LRRC7: variants seen among roughly 807,000 people sequenced by gnomAD.
LRRC7 encodes the protein leucine rich repeat containing 7.
Under a neutral mutation model 175.7 loss-of-function variants are expected in LRRC7, and 23 were observed. The ratio of observed to expected loss-of-function variants is 0.13; its 90% CI spans 0.09 to 0.19. The LOEUF is 0.19. Ranked by LOEUF, LRRC7 falls within the 10% of genes least tolerant of loss-of-function variation. The pLI, the probability that LRRC7 is intolerant of heterozygous loss-of-function variation, is 1.00. For missense variants in LRRC7, 1,354 were observed against 1,904.7 expected (o/e 0.71, Z 5.38); for synonymous variants, 685 against 680.9 (o/e 1.01, Z -0.09).
intron 25 of LRRC7, among the ~76,000 whole-genome samples, chr1:70,104,174 A>G (rs1448324391): frequency 6.6e-6 from 1 of 152,244 alleles, no homozygotes; most frequent in African/African-American, 2.4e-5. Flanking sequence ...TTTTTAGAAT[A>G]CAAACAGACT....
chr1:69,763,110 T>C (rs377112295), intron 3 of LRRC7, among the ~76,000 whole-genome samples: 1 of 152,078 alleles, frequency 6.6e-6, no homozygotes, highest in African/African-American at 2.4e-5. Context: ...AAAGGAATAA[T>C]GCATCAGAGT....
intron 1 of LRRC7, among the ~76,000 whole-genome samples, chr1:69,609,738 T>A (rs1557479873): frequency 6.6e-6 from 1 of 152,106 alleles, no homozygotes; most frequent in Non-Finnish European, 1.5e-5. Context: ...AATATATATC[T>A]ACTTTATCTG....
intron 4 of LRRC7, among the ~76,000 whole-genome samples, chr1:69,822,756 G>C (rs79047226): frequency 6.6e-6 from 1 of 152,162 alleles, no homozygotes; most frequent in African/African-American, 2.4e-5. Context: ...ACTATTCTCC[G>C]TACTATCTTC....
intron 2 of LRRC7, among the ~76,000 whole-genome samples, chr1:69,717,727 G>C (rs2100756984): frequency 7.0e-6 from 1 of 143,758 alleles, no homozygotes; most frequent in East Asian, 2.1e-4. Flanking sequence ...AGGAACTCTA[G>C]AAGGCCATAA....
chr1:69,698,635 A>G (rs1354011881), intron 2 of LRRC7, among the ~76,000 whole-genome samples: 1 of 152,224 alleles, frequency 6.6e-6, no homozygotes, highest in Non-Finnish European at 1.5e-5. Context: ...TATTCTAGAC[A>G]TCCCAGTATG....
chr1:70,036,793 T>C (rs1659360694), intron 20 of LRRC7, among the ~76,000 whole-genome samples, 169 bp downstream of exon 20: 1 of 152,016 alleles, frequency 6.6e-6, no homozygotes, highest in South Asian at 2.1e-4. Context: ...AACAGATGAA[T>C]CCACCTTACA....
chr1:70,115,220 T>C (rs577079187), intron 26 of LRRC7, among the ~76,000 whole-genome samples: 5 of 152,316 alleles, frequency 3.3e-5, no homozygotes, highest in African/African-American at 1.2e-4. Flanking sequence ...ACTACAAAGA[T>C]CAATAGCAAG....
At position 69,781,878 on chromosome 1, in the gene LRRC7, A is replaced by AGAC. The variant is rs1673753029; in HGVS notation, c.304-10165_304-10164insGAC. Among the ~76,000 whole-genome samples the AGAC allele has an allele frequency of 1.4e-5, 2 of 145,018 alleles. 1 individual carries two copies. Among genetic ancestry groups the AGAC allele is most frequent in the Non-Finnish European group, 3.1e-5 (2 of 65,330 alleles). ...AAGAAAGAGAAGGAAGGAAGGAAGA[A>AGAC]AGAAAAGGAAGGAAGGAAGGGAAAG... On this transcript the variant is annotated intron_variant, in intron 3 of 26. Coordinates refer to ENST00000651989, the MANE Select transcript of LRRC7 (RefSeq NM_001370785.2).
intron 26 of LRRC7, among the ~76,000 whole-genome samples, chr1:70,120,359 A>T (rs916541892): frequency 2.0e-5 from 3 of 152,056 alleles, no homozygotes; most frequent in African/African-American, 7.2e-5. Context: ...TGAATTTCCA[A>T]GAATTTATAT....
intron 7 of LRRC7, among the ~76,000 whole-genome samples, chr1:69,888,366 G>A (rs1485785875): frequency 6.6e-6 from 1 of 152,152 alleles, no homozygotes; most frequent in Non-Finnish European, 1.5e-5. Context: ...ATTCGGGTGG[G>A]AGTGACCCGA....
intron 9 of LRRC7, among the ~76,000 whole-genome samples, chr1:69,980,974 A>T (rs952160543): frequency 6.6e-6 from 1 of 152,128 alleles, no homozygotes; most frequent in Non-Finnish European, 1.5e-5. Context: ...CCAGAGTCAA[A>T]TTTTTTCCTC....
chr1:69,858,411 A>G (rs965034312), intron 7 of LRRC7, among the ~76,000 whole-genome samples: 2 of 152,202 alleles, frequency 1.3e-5, no homozygotes, highest in Admixed American at 1.3e-4. Flanking sequence ...AAAGAAATTT[A>G]CAACCTGCAC....
intron 1 of LRRC7, among the ~76,000 whole-genome samples, chr1:69,634,339 T>C (rs758401623): frequency 6.6e-6 from 1 of 152,142 alleles, no homozygotes; most frequent in South Asian, 2.1e-4. Context: ...TCTAATTTTA[T>C]GTTGATTTTG....
At chr1:70,119,978 G>A (rs1251538723) in intron 26 of LRRC7, among the ~76,000 whole-genome samples, 1 of 151,988 alleles carries the variant, frequency 6.6e-6, no homozygotes, top group Admixed American at 6.6e-5. Flanking sequence ...CAAATTGAAG[G>A]CATTAAGGTA....
At chr1:69,966,432 GT>G (rs1651671595) in intron 8 of LRRC7, among the ~76,000 whole-genome samples, 1 of 152,132 alleles carries the variant, frequency 6.6e-6, no homozygotes, top group Admixed American at 6.6e-5. Flanking sequence ...GGCAGATTAT[GT>G]TTTTCATTAG....
chr1:69,710,779 A>G lies in LRRC7; in HGVS notation c.100+32301A>G, dbSNP rs1052350569. On this transcript the variant is annotated intron_variant, in intron 2 of 26. Coordinates refer to ENST00000651989, the MANE Select transcript of LRRC7 (RefSeq NM_001370785.2). Reference sequence around the variant, plus strand: ...TCCAAAATAGCACTTCTCAGATTATATTTAAATCTGTTTTAGATCCCTGCC... The same window carrying G: ...TCCAAAATAGCACTTCTCAGATTATGTTTAAATCTGTTTTAGATCCCTGCC... Among the ~76,000 whole-genome samples, 3 of 152,034 alleles carry G rather than the reference A, an allele frequency of 2.0e-5. No homozygotes were observed. In the South Asian group the frequency reaches 6.2e-4, roughly 32 times the overall value.
Position 69,821,664 on chromosome 1 carries a change from C to T in LRRC7, c.422-4084C>T, listed in dbSNP as rs543284437. Among the ~76,000 whole-genome samples, 116 of 152,082 alleles carry T rather than the reference C, an allele frequency of 7.6e-4. 1 individual carries two copies. Among genetic ancestry groups the T allele is most frequent in the African/African-American group, 2.5e-3 (104 of 41,486 alleles). On this transcript the variant is annotated intron_variant, in intron 4 of 26. Transcript: ENST00000651989. ...ATCCCAGCACTTTCGGAGGTTGAGG[C>T]GGGTGGATTACCTGAGGTCAGGAGT...
intron 5 of LRRC7, among the ~76,000 whole-genome samples, chr1:69,827,774 C>T (rs559793461): frequency 2.1e-4 from 32 of 152,042 alleles, no homozygotes; most frequent in Admixed American, 2.0e-3. Flanking sequence ...GGGAGGACAA[C>T]GCTGCAGTGA....
chr1:69,908,293 G>A (rs556923825), intron 7 of LRRC7, among the ~76,000 whole-genome samples: 1 of 152,000 alleles, frequency 6.6e-6, no homozygotes, highest in South Asian at 2.1e-4. Context: ...GTTATTTCTT[G>A]CCTTCTGCTA....
Sources: gnomAD v4.1 joint callset for allele counts (sites outside exome capture counted in the v4.1 genomes callset) on GRCh38, gnomAD v4.1.1 for gene constraint, MANE v1.5 for transcripts, NCBI Gene and HGNC (gene_info 2026-07-23, HGNC 2026-07-21) for gene names.